Variants in NOL4 observed in about 807,000 individuals in gnomAD.
The protein encoded by NOL4 is nucleolar protein 4.
A neutral mutation model predicts 75.9 loss-of-function variants in NOL4; 17 were observed. That is an observed-to-expected ratio of 0.22 (90% confidence interval 0.15 to 0.34). The LOEUF is 0.34. Among genes scored for constraint, NOL4 ranks in the 10% least tolerant of loss-of-function variants. The pLI, the probability that NOL4 is intolerant of heterozygous loss-of-function variation, is 1.00. For synonymous variants in NOL4, 292 were observed against 289.9 expected (o/e 1.01, Z -0.07); for missense variants, 614 against 793.5 (o/e 0.77, Z 2.72).
intron 9 of NOL4, among the ~76,000 whole-genome samples, chr18:33,920,698 G>A (rs1222893000): frequency 6.6e-6 from 1 of 152,154 alleles, no homozygotes; most frequent in Non-Finnish European, 1.5e-5. Flanking sequence ...GATTATTCAG[G>A]AAGAATGTGT....
chr18:34,100,912 C>G (rs2079015728), intron 4 of NOL4, among the ~76,000 whole-genome samples: 2 of 152,140 alleles, frequency 1.3e-5, no homozygotes. Flanking sequence ...ACATGAACTT[C>G]TAGTATCATT....
intron 8 of NOL4, among the ~76,000 whole-genome samples, chr18:33,949,425 G>A (rs1017662361): frequency 2.6e-5 from 4 of 152,012 alleles, no homozygotes; most frequent in Non-Finnish European, 4.4e-5. Flanking sequence ...TTCTTTCCTG[G>A]GAACTGAGAC....
chr18:34,150,444 A>T (rs754945156), intron 1 of NOL4, among the ~76,000 whole-genome samples: 5 of 151,778 alleles, frequency 3.3e-5, no homozygotes, highest in Admixed American at 6.6e-5. Flanking sequence ...ACATAAATAT[A>T]GTCAACTGAT....
intron 8 of NOL4, among the ~76,000 whole-genome samples, chr18:33,953,188 C>A (rs373351569): frequency 9.8e-6 from 1 of 102,476 alleles, no homozygotes; most frequent in Non-Finnish European, 2.4e-5. Flanking sequence ...AGAAGAAAAG[C>A]GTTTTAATCT....
intron 5 of NOL4, among the ~76,000 whole-genome samples, chr18:34,032,449 G>T (rs2075684201): frequency 6.6e-6 from 1 of 152,112 alleles, no homozygotes; most frequent in Admixed American, 6.5e-5. Flanking sequence ...GAGGCAAAAA[G>T]ATTGCTTAGC....
chr18:34,183,960 GTAAATAAAAATA>G (rs2034252182), intron 1 of NOL4, among the ~76,000 whole-genome samples: 1 of 151,386 alleles, frequency 6.6e-6, no homozygotes, highest in Non-Finnish European at 1.5e-5. Context: ...AAATAAATAT[GTAAATAAAAATA>G]TAAATAAAAA....
At chr18:34,077,414 CAT>C (rs1223345936) in intron 5 of NOL4, among the ~76,000 whole-genome samples, 1 of 152,034 alleles carries the variant, frequency 6.6e-6, no homozygotes. Flanking sequence ...CATATATCTA[CAT>C]ATATATAGAT....
At position 34,224,268 on chromosome 18, in the gene NOL4, G is replaced by A. The variant is rs1050274061; in HGVS notation, c.-1015C>T. ...AGGATACAGATGCTTGAAAACCTTT[G>A]CACGAAATTAAAATATATACAGAAA... On this transcript the variant is annotated 5_prime_UTR_variant, in exon 1 of 11. Transcript: ENST00000261592. 1.3e-5 allele frequency: 2 copies of A among 152,228 alleles called. No individual in the cohort carries two copies. Among genetic ancestry groups the A allele is most frequent in the African/African-American group, 4.8e-5 (2 of 41,446 alleles). The allele number at this position is 152,228 out of a possible 1,614,324, so 9.4% of individuals were successfully genotyped here. A position where few individuals can be genotyped will look rare whatever the true frequency, so the allele number is the denominator to read the frequency against.
At chr18:33,994,063 CA>C (rs1274376312) in intron 6 of NOL4, among the ~76,000 whole-genome samples, 5 of 151,642 alleles carry the variant, frequency 3.3e-5, no homozygotes, top group Admixed American at 2.6e-4. Context: ...TAAAACGAGA[CA>C]TCTTACAATG....
intron 9 of NOL4, among the ~76,000 whole-genome samples, chr18:33,940,198 T>C (rs147858493): frequency 0.026 from 3,955 of 152,096 alleles, 65 homozygotes; most frequent in Non-Finnish European, 0.028. Context: ...AATCCCATTA[T>C]TGGGTATATA....
intron 9 of NOL4, among the ~76,000 whole-genome samples, chr18:33,891,910 G>C (rs2065116530): frequency 6.6e-6 from 1 of 152,144 alleles, no homozygotes; most frequent in East Asian, 1.9e-4. Flanking sequence ...ACATGGATTT[G>C]CATTATTAAT....
At chr18:33,977,123 A>T (rs986044325) in intron 6 of NOL4, among the ~76,000 whole-genome samples, 1 of 152,202 alleles carries the variant, frequency 6.6e-6, no homozygotes, top group Non-Finnish European at 1.5e-5. Context: ...TATATTCCAG[A>T]ACAGTACTTA....
chr18:34,209,497 G>A (rs1016715654), intron 1 of NOL4, among the ~76,000 whole-genome samples: 1 of 152,078 alleles, frequency 6.6e-6, no homozygotes, highest in Admixed American at 6.6e-5. Flanking sequence ...AAGAAAAAAT[G>A]GTTATAGAAA....
intron 1 of NOL4, chr18:34,183,373 A>C (rs1364506326): frequency 6.6e-6 from 1 of 151,898 alleles, no homozygotes; most frequent in Non-Finnish European, 1.5e-5. Flanking sequence ...TGGAGGATTA[A>C]AAACTCTGAC....
chr18:33,880,654 C>T lies in NOL4; in HGVS notation c.1723+2590G>A, dbSNP rs578120662. On this transcript the variant is annotated intron_variant, in intron 10 of 10. Transcript: ENST00000261592. ...CATGTGTTGTTTCATTTTGTATGTT[C>T]TTAGTTATGACTGTGTATGTTTCAT... Among the ~76,000 whole-genome samples, 291 of 152,098 alleles carry T rather than the reference C, an allele frequency of 1.9e-3. 3 individuals carry two copies. Among genetic ancestry groups the T allele is most frequent in the Non-Finnish European group, 3.7e-3 (255 of 68,008 alleles).
intron 10 of NOL4, among the ~76,000 whole-genome samples, chr18:33,869,834 TTTC>T (rs1383632830): frequency 6.6e-6 from 1 of 152,036 alleles, no homozygotes; most frequent in Non-Finnish European, 1.5e-5. Flanking sequence ...CTCTTAGTGA[TTTC>T]TTATCAAATA....
chr18:34,076,872 C>A (rs1311330424), intron 5 of NOL4, among the ~76,000 whole-genome samples: 1 of 152,102 alleles, frequency 6.6e-6, no homozygotes, highest in Non-Finnish European at 1.5e-5. Flanking sequence ...CTCTTTTTAG[C>A]AACATGACTG....
At chr18:34,000,292 A>G (rs1358205923) in intron 6 of NOL4, among the ~76,000 whole-genome samples, 4 of 152,066 alleles carry the variant, frequency 2.6e-5, no homozygotes, top group Non-Finnish European at 4.4e-5. Context: ...CAAAAGGCCT[A>G]TAAAACACAA....
Position 33,870,287 on chromosome 18 carries a change from A to G in NOL4, c.1723+12957T>C, listed in dbSNP as rs144033064. Among the ~76,000 whole-genome samples the G allele has an allele frequency of 9.9e-5, 15 of 152,162 alleles. No homozygotes were observed. In the East Asian group the frequency reaches 2.5e-3, roughly 26 times the overall value. Reference sequence around the variant, plus strand: ...TGATCTCACTCATATGTGGAATCCAAAGAATTTGTTCACATAGTAGAGAGT... The same window carrying G: ...TGATCTCACTCATATGTGGAATCCAGAGAATTTGTTCACATAGTAGAGAGT... On this transcript the variant is annotated intron_variant, in intron 10 of 10. Transcript: ENST00000261592.
Sources: allele counts gnomAD v4.1 joint callset (sites outside exome capture counted in the v4.1 genomes callset), GRCh38; gene constraint gnomAD v4.1.1; transcripts MANE v1.5; gene names NCBI Gene and HGNC (gene_info 2026-07-23, HGNC 2026-07-21).